Variants in ADAMTS17 observed in about 807,000 individuals in gnomAD.
ADAMTS17 encodes A disintegrin and metalloproteinase with thrombospondin motifs 17.
A neutral mutation model predicts 141.5 loss-of-function variants in ADAMTS17; 113 were observed. The observed-to-expected ratio is 0.80, with a 90% CI of 0.69 to 0.93. The LOEUF is 0.93. Ranked by LOEUF, ADAMTS17 falls within the 40% of genes least tolerant of loss-of-function variation. The probability of loss-of-function intolerance (pLI) is 0.00; values close to 1 mark genes in which losing one functional copy is unlikely to be tolerated. For missense variants in ADAMTS17, 1,659 were observed against 1,517.9 expected (o/e 1.09, Z -1.54); for synonymous variants, 768 against 630.6 (o/e 1.22, Z -3.27).
intron 7 of ADAMTS17, among the ~76,000 whole-genome samples, chr15:100,214,797 C>G (rs879641027): frequency 6.6e-6 from 1 of 152,192 alleles, no homozygotes; most frequent in African/African-American, 2.4e-5. Context: ...CATCCCAATT[C>G]CAAATACGCA....
At chr15:100,336,867 C>G (rs765583462) in intron 2 of ADAMTS17, among the ~76,000 whole-genome samples, 5 of 152,150 alleles carry the variant, frequency 3.3e-5, no homozygotes, top group Non-Finnish European at 7.3e-5. Flanking sequence ...AGTGGGGTCC[C>G]CAACACTTCT....
At chr15:100,316,894 G>C (rs574966079) in intron 3 of ADAMTS17, among the ~76,000 whole-genome samples, 26 of 152,332 alleles carry the variant, frequency 1.7e-4, no homozygotes, top group Middle Eastern at 3.4e-3. Context: ...AGGCCACTAG[G>C]CCCATCCATG....
intron 18 of ADAMTS17, among the ~76,000 whole-genome samples, chr15:100,048,172 C>T (rs935376671): frequency 4.6e-5 from 7 of 152,140 alleles, no homozygotes; most frequent in African/African-American, 7.2e-5. Flanking sequence ...TCAAATGATA[C>T]ACAGAACCAC....
intron 15 of ADAMTS17, among the ~76,000 whole-genome samples, chr15:100,067,526 A>G (rs2033625545): frequency 6.6e-6 from 1 of 152,150 alleles, no homozygotes; most frequent in South Asian, 2.1e-4. Flanking sequence ...TTTTGTGTCA[A>G]CCTTTCTTGG....
At chr15:100,227,646 T>C (rs1377357966) in intron 7 of ADAMTS17, among the ~76,000 whole-genome samples, 1 of 152,190 alleles carries the variant, frequency 6.6e-6, no homozygotes, top group African/African-American at 2.4e-5. Context: ...GCAGAAGCCC[T>C]AAGCACTGTC....
chr15:100,186,418 G>A (rs2040720426), intron 8 of ADAMTS17, among the ~76,000 whole-genome samples: 1 of 152,142 alleles, frequency 6.6e-6, no homozygotes, highest in South Asian at 2.1e-4. Context: ...ATGCAATCAC[G>A]CATTGCTGCA....
chr15:99,980,086 T>TGCAG (rs896202456), intron 20 of ADAMTS17: 2 of 152,256 alleles, frequency 1.3e-5, no homozygotes, highest in African/African-American at 4.8e-5. Flanking sequence ...TTTGGGAGGC[T>TGCAG]GCAGTGGGCA....
At chr15:100,177,731 G>A (rs1162718358) in intron 8 of ADAMTS17, among the ~76,000 whole-genome samples, 1 of 152,084 alleles carries the variant, frequency 6.6e-6, no homozygotes, top group East Asian at 1.9e-4. Context: ...CTGAGAGGGA[G>A]GTTTTGAAAA....
chr15:100,119,921 C>T (rs1357983568), intron 12 of ADAMTS17, among the ~76,000 whole-genome samples: 1 of 152,220 alleles, frequency 6.6e-6, no homozygotes, highest in Non-Finnish European at 1.5e-5. Flanking sequence ...GTTTGGGTAT[C>T]TGCTATGCTG....
chr15:100,259,465 G>A (rs1308701552), intron 6 of ADAMTS17, among the ~76,000 whole-genome samples: 7 of 152,314 alleles, frequency 4.6e-5, no homozygotes, highest in East Asian at 1.9e-4. Flanking sequence ...TGGGGAGGGC[G>A]GTGCCTGAAG....
chr15:100,059,560 A>G (rs2032950809), intron 15 of ADAMTS17, among the ~76,000 whole-genome samples: 1 of 152,234 alleles, frequency 6.6e-6, no homozygotes, highest in African/African-American at 2.4e-5. Context: ...TAAAATCAGA[A>G]GTTCGCGCCT....
At chr15:100,038,276 A>C (rs1240340317) in intron 18 of ADAMTS17, among the ~76,000 whole-genome samples, 1 of 152,216 alleles carries the variant, frequency 6.6e-6, no homozygotes, top group Non-Finnish European at 1.5e-5. Context: ...TATAGTTTAC[A>C]GTAAGCTTTG....
At chr15:100,324,672 TAATG>T (rs2045846049) in intron 3 of ADAMTS17, among the ~76,000 whole-genome samples, 1 of 152,198 alleles carries the variant, frequency 6.6e-6, no homozygotes, top group Admixed American at 6.5e-5. Flanking sequence ...TCAAGAATAC[TAATG>T]AGAGTCTCTA....
chr15:99,997,600 G>C lies in ADAMTS17; in HGVS notation c.2592-11C>G. ...GGGCCTGCCACCCACCTGCCAGACGGGAGGAAAGAGAGAGAGAACGACTGG... is the reference window on the plus strand; with the variant it reads ...GGGCCTGCCACCCACCTGCCAGACGCGAGGAAAGAGAGAGAGAACGACTGG... On this transcript the variant is annotated splice_polypyrimidine_tract_variant and intron_variant, in intron 18 of 21. Transcript: ENST00000268070. This position sits in a 1 kb window ranked among gnomAD's most constrained non-coding sequence, Gnocchi z 4.7. The C allele has an allele frequency of 6.2e-7, 1 of 1,612,688 alleles. No homozygotes were observed. Among genetic ancestry groups the C allele is most frequent in the East Asian group, 2.2e-5 (1 of 44,892 alleles).
intron 15 of ADAMTS17, among the ~76,000 whole-genome samples, chr15:100,065,040 T>C (rs192132839): frequency 6.6e-6 from 1 of 152,178 alleles, no homozygotes; most frequent in African/African-American, 2.4e-5. Context: ...AATACCTATT[T>C]TGAGGGGTTT....
chr15:99,995,048 G>A (rs2060772026), intron 19 of ADAMTS17, among the ~76,000 whole-genome samples: 1 of 152,180 alleles, frequency 6.6e-6, no homozygotes, highest in African/African-American at 2.4e-5. Flanking sequence ...CGGATGCCAG[G>A]GGTCCGTCCA....
intron 12 of ADAMTS17, chr15:100,126,158 C>T (rs1173810758): frequency 6.6e-6 from 1 of 152,224 alleles, no homozygotes; most frequent in Non-Finnish European, 1.5e-5. Flanking sequence ...GAGGCTGCAG[C>T]CTGGACTTCA....
chr15:100,038,643 C>A (rs912441131), intron 18 of ADAMTS17, among the ~76,000 whole-genome samples: 2 of 152,048 alleles, frequency 1.3e-5, no homozygotes, highest in Non-Finnish European at 2.9e-5. Flanking sequence ...TACAGAAATA[C>A]AATTGATTTT....
intron 15 of ADAMTS17, among the ~76,000 whole-genome samples, chr15:100,059,853 T>A (rs1319883337): frequency 6.6e-6 from 1 of 152,226 alleles, no homozygotes; most frequent in South Asian, 2.1e-4. Context: ...CACAGCCCTA[T>A]GCATAATGTA....
Sources: gnomAD v4.1 joint callset for allele counts (sites outside exome capture counted in the v4.1 genomes callset) on GRCh38, gnomAD v4.1.1 for gene constraint, Gnocchi (gnomAD v3.1) non-coding constraint, MANE v1.5 for transcripts, NCBI Gene and HGNC (gene_info 2026-07-23, HGNC 2026-07-21) for gene names.